Variants in TUBGCP6 observed in about 807,000 individuals in gnomAD.
TUBGCP6 encodes tubulin gamma complex component 6, also known as gamma-tubulin complex component 6.
TUBGCP6 carries 161 observed loss-of-function variants against 175.8 expected under a neutral mutation model. The observed-to-expected ratio is 0.92, with a 90% confidence interval of 0.81 to 1.04. TUBGCP6 has a LOEUF of 1.04. TUBGCP6 is among the 50% of genes least tolerant of loss of function. The pLI, the probability that TUBGCP6 is intolerant of heterozygous loss-of-function variation, is 0.00. For synonymous variants in TUBGCP6, 1,173 were observed against 1,030.5 expected (o/e 1.14, Z -2.65); for missense variants, 2,572 against 2,433.0 (o/e 1.06, Z -1.20).
In TUBGCP6 at chr22:50,224,251, G is replaced by A; in HGVS notation, c.2160C>T (p.Arg720=). Residue 720 remains arginine, a synonymous_variant, in exon 13 of 25, where the codon CGC becomes CGT. Transcript: ENST00000248846. ...KEQFVKDQER[R]QAARQEELDD... is the part of the protein sequence containing the mutation. Reference sequence around the variant, plus strand: ...CCAGCTCCTCCTGCCTGGCCGCCTGGCGTCGCTATAAAACACATAGAGCCT... The same window carrying A: ...CCAGCTCCTCCTGCCTGGCCGCCTGACGTCGCTATAAAACACATAGAGCCT... The A allele has an allele frequency of 6.2e-7, 1 of 1,614,110 alleles. No homozygotes were observed. The highest frequency in any genetic ancestry group is 8.5e-7 in the Non-Finnish European group (1 of 1,180,042).
In TUBGCP6 at chr22:50,221,622, C is replaced by T. The variant is rs1395204921; in HGVS notation, c.2737G>A (p.Gly913Ser). 5.2e-6 allele frequency: 8 copies of T among 1,543,374 alleles called. No individual in the cohort carries two copies. Among genetic ancestry groups the T allele is most frequent in the Non-Finnish European group, 7.0e-6 (8 of 1,144,448 alleles). ...GCCACCTCCAGGAGAGGGACCATGC[C>T]AGTCTGCACGGACGGCTCAGCCCCT... The part of the protein sequence containing the change: ...GPGAEPSVQT[G>S]MVPLLEVALQ... The change falls in exon 16 of 25, where the codon GGC (glycine) becomes AGC (serine). Residue 913 changes from glycine (G) to serine (S), a missense_variant. Physicochemically the swap from Gly to Ser is moderately conservative, Grantham distance 56. Coordinates refer to ENST00000248846, the MANE Select transcript of TUBGCP6 (RefSeq NM_020461.4).
rs1332611872 is a variant in TUBGCP6 at position 50,219,176 on chromosome 22, G to A, written c.4518C>T (p.Tyr1506=). 3 of 1,612,174 alleles carry A rather than the reference G, an allele frequency of 1.9e-6. No homozygotes were observed. The highest frequency in any genetic ancestry group is 2.5e-6 in the Non-Finnish European group (3 of 1,180,004). Residue 1506 remains tyrosine (Y), a synonymous_variant, in exon 20 of 25, where the codon TAC becomes TAT. Transcript: ENST00000248846. ...ISLVNKAAVD[Y]FFVELHLEAH... ...CCTCCAGGTGCAGCTCCACGAAGAA[G>A]TAGTCGACAGCGGCCTTGTTCACCA...
rs776242681 is a variant in TUBGCP6 at position 50,225,827 on chromosome 22, C to T, written c.1950G>A (p.Val650=). Reference sequence around the variant, plus strand: ...CCTTGCTGACAGAGCTGTGGCGGGCCACCCTCTCCATGCGCCCAACGTAGA... The same window carrying T: ...CCTTGCTGACAGAGCTGTGGCGGGCTACCCTCTCCATGCGCCCAACGTAGA... The part of the protein sequence containing the change: ...CAVYVGRMER[V]ARHSSVSKEE... The change falls in exon 10 of 25, where the codon GTG becomes GTA. Residue 650 remains valine (V), a synonymous_variant. Coordinates refer to ENST00000248846, the MANE Select transcript of TUBGCP6 (RefSeq NM_020461.4). The T allele has an allele frequency of 2.0e-5, 32 of 1,613,582 alleles. No homozygotes were observed. The highest frequency in any genetic ancestry group is 2.5e-5 in the Non-Finnish European group (30 of 1,179,906).
At chr22:50,243,345 C>T (rs987004013) in intron 1 of TUBGCP6, among the ~76,000 whole-genome samples, 1 of 151,546 alleles carries the variant, frequency 6.6e-6, no homozygotes, top group African/African-American at 2.4e-5. Context: ...TACAGCTACT[C>T]GGGAGGCTGA....
chr22:50,220,128 G>A, intron 16 of TUBGCP6, 113 bp from the exon 17 acceptor site: 4 of 1,548,630 alleles, frequency 2.6e-6, no homozygotes, highest in Non-Finnish European at 3.5e-6. Context: ...CAGCAGCCCA[G>A]GTCCTGGCTG....
At chr22:50,233,911 C>G (rs536144727) in intron 2 of TUBGCP6, among the ~76,000 whole-genome samples, 23 of 152,022 alleles carry the variant, frequency 1.5e-4, no homozygotes, top group Non-Finnish European at 2.9e-4. Flanking sequence ...GATTTGTACA[C>G]CCATGTACAC....
intron 11 of TUBGCP6, 22 bp downstream of exon 11, chr22:50,224,489 G>T (rs1327000582): frequency 6.2e-7 from 1 of 1,614,202 alleles, no homozygotes; most frequent in Non-Finnish European, 8.5e-7. Flanking sequence ...AACTGCAGAA[G>T]GGAGGACTTG....
intron 10 of TUBGCP6, 146 bp downstream of exon 10, chr22:50,225,648 C>T (rs1423137467): frequency 6.3e-6 from 6 of 949,130 alleles, no homozygotes; most frequent in Non-Finnish European, 8.6e-6. Context: ...TCCCCCTTGG[C>T]ACCCACCCAG....
intron 10 of TUBGCP6, among the ~76,000 whole-genome samples, chr22:50,225,457 G>A (rs534488929): frequency 2.0e-5 from 3 of 152,098 alleles, no homozygotes; most frequent in African/African-American, 4.8e-5. Context: ...TGGCGGGCCC[G>A]GGGAGGCCCC....
rs1024091507 is a variant in TUBGCP6 at position 50,222,118 on chromosome 22, G to A, written c.2410-16C>T. 1.9e-6 allele frequency: 3 copies of A among 1,612,702 alleles called. No homozygotes were observed. The highest frequency in any genetic ancestry group is 2.5e-6 in the Non-Finnish European group (3 of 1,179,760). On this transcript the variant is annotated splice_polypyrimidine_tract_variant and intron_variant, in intron 14 of 24. Coordinates refer to ENST00000248846, the MANE Select transcript of TUBGCP6 (RefSeq NM_020461.4). ...TCAGCATCTCCTGAAATTCAAGCCA[G>A]AGGGGTGACTGGCCAAGCCGGAGTC...
intron 1 of TUBGCP6, among the ~76,000 whole-genome samples, chr22:50,242,987 C>T (rs1015999642): frequency 1.3e-5 from 2 of 152,188 alleles, no homozygotes; most frequent in Non-Finnish European, 2.9e-5. Context: ...GACAATGCAG[C>T]CACCAGACTA....
rs2147224094 is a variant in TUBGCP6, at chr22:50,244,840, CGA to C, written c.-383_-382del. 1 of 231,536 alleles carries C rather than the reference CGA, an allele frequency of 4.3e-6. No individual in the cohort carries two copies. The highest frequency in any genetic ancestry group is 8.6e-6 in the Non-Finnish European group (1 of 116,432). 14.3% of individuals were successfully genotyped at this position (231,536 alleles called of 1,614,324 possible). On this transcript the variant is annotated 5_prime_UTR_variant, in exon 1 of 25. Transcript: ENST00000248846. ...CTTTGCACCCGTTCTTCGGGACCCA[CGA>C]GAGGAGACGGCCAGGAGAGGGTGCC...
intron 2 of TUBGCP6, 47 bp from the exon 3 acceptor site, chr22:50,233,573 C>T (rs1272364352): frequency 6.5e-7 from 1 of 1,531,310 alleles, no homozygotes. Context: ...TGGTGACCTG[C>T]ACCTCAGCAC....
At chr22:50,242,058 C>A (rs1352244829) in intron 1 of TUBGCP6, among the ~76,000 whole-genome samples, 1 of 149,204 alleles carries the variant, frequency 6.7e-6, no homozygotes, top group Non-Finnish European at 1.5e-5. Context: ...TTTGGGAGGC[C>A]GAGGCGGGCA....
In TUBGCP6 at chr22:50,220,522, C is replaced by A. The variant is rs1242351506; in HGVS notation, c.3837G>T (p.Leu1279=). The change falls in exon 16 of 25, where the codon CTG becomes CTT. Residue 1279 remains leucine, a synonymous_variant. Coordinates refer to ENST00000248846, the MANE Select transcript of TUBGCP6 (RefSeq NM_020461.4). ...HVPIPPPHMV[L]GALSPEAEPN... is the part of the protein sequence containing the mutation. ...GCTCAGCTTCTGGTGAGAGAGCCCCCAGCACCATGTGGGGCGGAGGGATGG... is the reference window on the plus strand; with the variant it reads ...GCTCAGCTTCTGGTGAGAGAGCCCCAAGCACCATGTGGGGCGGAGGGATGG... The A allele has an allele frequency of 1.2e-6, 2 of 1,613,426 alleles. No homozygotes were observed. Among genetic ancestry groups the A allele is most frequent in the East Asian group, 2.2e-5 (1 of 44,896 alleles).
intron 1 of TUBGCP6, among the ~76,000 whole-genome samples, chr22:50,243,473 C>A (rs1461108620): frequency 6.7e-6 from 1 of 148,846 alleles, no homozygotes; most frequent in Non-Finnish European, 1.5e-5. Context: ...AAAAATTAAG[C>A]CGGGCGTGGT....
In TUBGCP6 at chr22:50,224,519, G is replaced by A. The variant is rs756728486; in HGVS notation, c.2057C>T (p.Ala686Val). 1 of 1,614,178 alleles carries A rather than the reference G, an allele frequency of 6.2e-7. No individual in the cohort carries two copies. The highest frequency in any genetic ancestry group is 2.2e-5 in the East Asian group (1 of 44,890). ...AREAASRVLS[A>V]LSDRQMSERM... ...GACTTGGGGCCACTCACCACTCAGT[G>A]CACTCAGGACCCTGGATGCTGCTTC... Residue 686 changes from alanine (A) to valine (V), a missense_variant, in exon 11 of 25, where the codon GCA becomes GTA. Coordinates refer to ENST00000248846, the MANE Select transcript of TUBGCP6 (RefSeq NM_020461.4).
In TUBGCP6 at chr22:50,218,511, A is replaced by G; in HGVS notation, c.4931T>C (p.Val1644Ala). 6.2e-7 allele frequency: 1 copy of G among 1,613,650 alleles called. No individual in the cohort carries two copies. Among genetic ancestry groups the G allele is most frequent in the Non-Finnish European group, 8.5e-7 (1 of 1,179,956 alleles). ...LKLMMWALKD[V>A]CFHLKRTALL... ...ACCTGTGCGCTTGAGGTGGAAGCAG[A>G]CGTCCTTGAGCGCCCACATCATGAG... Residue 1644 changes from valine to alanine, a missense_variant, in exon 22 of 25, where the codon GTC (valine) becomes GCC (alanine). Val to Ala is a moderately conservative substitution (Grantham distance 64). Transcript: ENST00000248846.
rs1310846091 is a variant in TUBGCP6 at position 50,244,316 on chromosome 22, A to G, written c.144T>C (p.Asn48=). 1.2e-6 allele frequency: 2 copies of G among 1,613,530 alleles called. No individual in the cohort carries two copies. Among genetic ancestry groups the G allele is most frequent in the African/African-American group, 2.7e-5 (2 of 74,940 alleles). ...KKVAYNALFT[N]LFQDETQQLQ... is the part of the protein sequence containing the mutation. ...GCTGTTGAGTCTCATCTTGAAAAAG[A>G]TTTGTGAAAAGAGCATTGTAGGCCA... Residue 48 remains asparagine, a synonymous_variant, in exon 1 of 25, where the codon AAT becomes AAC. Coordinates refer to ENST00000248846, the MANE Select transcript of TUBGCP6 (RefSeq NM_020461.4).
Sources: gnomAD v4.1 joint callset for allele counts (sites outside exome capture counted in the v4.1 genomes callset) on GRCh38, gnomAD v4.1.1 for gene constraint, MANE v1.5 for transcripts, NCBI Gene and HGNC (gene_info 2026-07-23, HGNC 2026-07-21) for gene names.